Variants in TMEM114 observed in about 807,000 individuals in gnomAD.
TMEM114 encodes the protein claudin-26.
In TMEM114, 6 loss-of-function variants were observed where a neutral mutation model predicts 6.2. The ratio of observed to expected loss-of-function variants is 0.97; its 90% CI spans 0.53 to 1.91. TMEM114 has a LOEUF of 1.91. TMEM114 is among the 40% of genes most tolerant of loss of function. The pLI, the probability that TMEM114 is intolerant of heterozygous loss-of-function variation, is 0.01. For missense variants in TMEM114, 218 were observed against 158.3 expected, an observed-to-expected ratio of 1.38 and a Z score of -2.02; for synonymous variants, 104 against 73.0, an observed-to-expected ratio of 1.42 and a Z score of -2.16.
At chr16:8,542,282 T>A (rs527758376) in intron 2 of TMEM114, among the ~76,000 whole-genome samples, 1 of 152,338 alleles carries the variant, frequency 6.6e-6, no homozygotes, top group South Asian at 2.1e-4. Flanking sequence ...TACTGAAGTG[T>A]TCTTTTCCCT....
chr16:8,556,811 C>T (rs530225686), intron 2 of TMEM114, among the ~76,000 whole-genome samples: 5 of 152,172 alleles, frequency 3.3e-5, no homozygotes, highest in Non-Finnish European at 7.3e-5. Flanking sequence ...CCCGTGTGCA[C>T]TTTAAAATGA....
downstream of TMEM114, among the ~76,000 whole-genome samples, chr16:8,566,390 T>C (rs1299726096): frequency 1.1e-5 from 1 of 92,600 alleles, no homozygotes. Context: ...AAAAAAAAAA[T>C]CAGAATAGAA....
chr16:8,587,982 T>C (rs1377679649), intron 2 of TMEM114, among the ~76,000 whole-genome samples: 3 of 151,766 alleles, frequency 2.0e-5, no homozygotes, highest in Admixed American at 1.3e-4. Flanking sequence ...CTATGTTTCC[T>C]ATCACTATTA....
intron 2 of TMEM114, among the ~76,000 whole-genome samples, chr16:8,561,794 TAGTGAATGAGTG>T (rs1901212403): frequency 6.9e-6 from 1 of 144,000 alleles, no homozygotes; most frequent in Admixed American, 6.9e-5. Context: ...AATCAGTGAA[TAGTGAATGAGTG>T]AGTGAAGGAG....
intron 2 of TMEM114, among the ~76,000 whole-genome samples, chr16:8,545,768 T>C (rs1900647125): frequency 6.6e-6 from 1 of 152,222 alleles, no homozygotes; most frequent in Admixed American, 6.5e-5. Context: ...TATGGTTTCA[T>C]TGGTTTCTTA....
At position 8,569,830 on chromosome 16, in the gene TMEM114, G is replaced by T; in HGVS notation, c.615C>A (p.Ala205=). Residue 205 remains alanine, a synonymous_variant, in exon 4 of 4, where the codon GCC becomes GCA. Transcript: ENST00000620492. ...SFIAELLTGA[A]FLAAARELSL... is the part of the protein sequence containing the mutation. ...TGAGCTCGCGGGCTGCTGCCAGGAA[G>T]GCTGCCCCGGTGAGCAGCTCGGCGA... 1 of 1,551,020 alleles carries T rather than the reference G, an allele frequency of 6.4e-7. No homozygotes were observed. Among genetic ancestry groups the T allele is most frequent in the Admixed American group, 2.0e-5 (1 of 51,008 alleles).
chr16:8,576,651 A>G (rs1257037485), intron 2 of TMEM114, among the ~76,000 whole-genome samples: 1 of 152,066 alleles, frequency 6.6e-6, no homozygotes. Context: ...CACAGAACCT[A>G]GAATGTAGTA....
chr16:8,555,877 T>C (rs146878235), intron 2 of TMEM114, among the ~76,000 whole-genome samples: 88 of 152,310 alleles, frequency 5.8e-4, no homozygotes, highest in Non-Finnish European at 1.0e-3. Context: ...ATGTCACTAG[T>C]ACCAAGGTTG....
intron 2 of TMEM114, among the ~76,000 whole-genome samples, chr16:8,556,614 G>A (rs559302813): frequency 2.6e-5 from 4 of 152,130 alleles, no homozygotes; most frequent in African/African-American, 9.6e-5. Flanking sequence ...TGATTCTCCT[G>A]CCCCAGCCTC....
At chr16:8,536,986 A>T (rs1039343522), downstream of TMEM114, among the ~76,000 whole-genome samples, 1 of 151,718 alleles carries the variant, frequency 6.6e-6, no homozygotes, top group Non-Finnish European at 1.5e-5. Flanking sequence ...TGGGAGGATC[A>T]TTTGAGCCCA....
chr16:8,546,375 G>A (rs1349479296), intron 2 of TMEM114, among the ~76,000 whole-genome samples: 1 of 152,058 alleles, frequency 6.6e-6, no homozygotes, highest in Non-Finnish European at 1.5e-5. Context: ...GATCTCTTTA[G>A]GTTTACATGT....
chr16:8,545,223 C>G (rs1900626955), intron 2 of TMEM114, among the ~76,000 whole-genome samples: 1 of 152,090 alleles, frequency 6.6e-6, no homozygotes, highest in African/African-American at 2.4e-5. Flanking sequence ...AGATTACTTG[C>G]ATCCACGAGT....
At chr16:8,537,697 G>C (rs1900399558) in exon 3 of TMEM114, 1 of 152,006 alleles carries the variant, frequency 6.6e-6, no homozygotes, top group Non-Finnish European at 1.5e-5. Flanking sequence ...CTACAATCTG[G>C]TTTTATCCGC....
At chr16:8,555,243 A>C (rs1900971525) in intron 2 of TMEM114, among the ~76,000 whole-genome samples, 1 of 152,252 alleles carries the variant, frequency 6.6e-6, no homozygotes, top group Non-Finnish European at 1.5e-5. Context: ...GGCTTAGCCC[A>C]GGAAGGAATT....
intron 2 of TMEM114, among the ~76,000 whole-genome samples, chr16:8,554,610 A>G (rs1375986853): frequency 2.6e-5 from 4 of 152,176 alleles, no homozygotes; most frequent in African/African-American, 9.7e-5. Flanking sequence ...CTGCTGGTGC[A>G]TACTAAGTCT....
intron 2 of TMEM114, among the ~76,000 whole-genome samples, chr16:8,563,871 GAGTGAGTGAGTGAATT>G (rs1477629106): frequency 1.3e-3 from 202 of 150,736 alleles, no homozygotes; most frequent in African/African-American, 4.9e-3. Flanking sequence ...ATGAGTGAAT[GAGTGAGTGAGTGAATT>G]AGTGAGTGAA....
chr16:8,559,255 C>G (rs1021034690), intron 2 of TMEM114, among the ~76,000 whole-genome samples: 3 of 152,004 alleles, frequency 2.0e-5, no homozygotes, highest in African/African-American at 7.2e-5. Flanking sequence ...GTTGGCCAGG[C>G]TGGTCTCCAA....
chr16:8,575,749 G>T (rs1901900593), intron 2 of TMEM114, among the ~76,000 whole-genome samples: 1 of 152,162 alleles, frequency 6.6e-6, no homozygotes, highest in Non-Finnish European at 1.5e-5. Flanking sequence ...TTCTTAAAAT[G>T]GTGCTTGTCA....
chr16:8,570,916 T>C (rs910592867), intron 3 of TMEM114, among the ~76,000 whole-genome samples: 2 of 152,212 alleles, frequency 1.3e-5, no homozygotes, highest in Non-Finnish European at 2.9e-5. Flanking sequence ...CGGCATGGAT[T>C]AGGGAACTTC....
Sources: allele counts gnomAD v4.1 joint callset (sites outside exome capture counted in the v4.1 genomes callset), GRCh38; gene constraint gnomAD v4.1.1; transcripts MANE v1.5; gene names NCBI Gene and HGNC (gene_info 2026-07-23, HGNC 2026-07-21).